Variants in SLC35F4 observed in about 807,000 individuals in gnomAD.
SLC35F4 encodes the protein chromosome 14 open reading frame 36.
A neutral mutation model predicts 44.2 loss-of-function variants in SLC35F4; 24 were observed. That is an observed-to-expected ratio of 0.54 (90% CI 0.39 to 0.76). The LOEUF (loss-of-function observed/expected upper bound fraction) is 0.76. SLC35F4 is among the 30% of genes least tolerant of loss of function. The pLI is 0.00. For synonymous variants in SLC35F4, 238 were observed against 223.6 expected (o/e 1.06, Z -0.57); for missense variants, 562 against 586.1 (o/e 0.96, Z 0.42).
intron 1 of SLC35F4, among the ~76,000 whole-genome samples, chr14:57,872,550 GCACCTCTAAC>G (rs1443882542): frequency 6.6e-6 from 1 of 152,090 alleles, no homozygotes; most frequent in Non-Finnish European, 1.5e-5. Flanking sequence ...CCAATGCTGG[GCACCTCTAAC>G]CTCCTGCACC....
intron 1 of SLC35F4, among the ~76,000 whole-genome samples, chr14:57,657,326 T>A (rs1444278880): frequency 6.6e-6 from 1 of 152,222 alleles, no homozygotes; most frequent in Admixed American, 6.5e-5. Flanking sequence ...GTGTTGAACA[T>A]AACTTTCCAG....
intron 1 of SLC35F4, among the ~76,000 whole-genome samples, chr14:57,618,483 T>C (rs964700127): frequency 6.6e-6 from 1 of 152,174 alleles, no homozygotes; most frequent in African/African-American, 2.4e-5. Context: ...GGAACTGTAC[T>C]GTGAGGAACG....
intron 1 of SLC35F4, among the ~76,000 whole-genome samples, chr14:57,914,952 C>T (rs7140638): frequency 0.095 from 14,451 of 152,208 alleles, 735 homozygotes; most frequent in Middle Eastern, 0.12. Context: ...GCCCCTGCAA[C>T]AAGTCTCTGT....
intron 1 of SLC35F4, among the ~76,000 whole-genome samples, chr14:57,672,711 T>G (rs573429997): frequency 3.9e-5 from 6 of 152,198 alleles, no homozygotes; most frequent in African/African-American, 1.4e-4. Flanking sequence ...AGAAAAAAAT[T>G]CATGAATAAT....
At chr14:57,738,516 T>C (rs886894868) in intron 1 of SLC35F4, among the ~76,000 whole-genome samples, 2 of 152,016 alleles carry the variant, frequency 1.3e-5, no homozygotes, top group African/African-American at 4.8e-5. Flanking sequence ...TCCTGCCACA[T>C]ACTGTTCTGG....
intron 6 of SLC35F4, among the ~76,000 whole-genome samples, chr14:57,568,853 G>A (rs1347399174): frequency 6.6e-6 from 1 of 152,158 alleles, no homozygotes; most frequent in Non-Finnish European, 1.5e-5. Flanking sequence ...CGTGGAAATA[G>A]AAGCGGCATG....
intron 1 of SLC35F4, among the ~76,000 whole-genome samples, chr14:57,923,645 T>A (rs2783243): frequency 0.2 from 30,812 of 152,216 alleles, 3,346 homozygotes; most frequent in East Asian, 0.27. Context: ...AATGCTTTTA[T>A]TTCCCTCTTC....
At chr14:57,847,741 T>C (rs1886165760) in intron 1 of SLC35F4, among the ~76,000 whole-genome samples, 1 of 152,308 alleles carries the variant, frequency 6.6e-6, no homozygotes, top group South Asian at 2.1e-4. Flanking sequence ...CAATATTATT[T>C]TCCCCCATGT....
intron 1 of SLC35F4, among the ~76,000 whole-genome samples, chr14:57,717,503 T>G (rs553795524): frequency 6.6e-6 from 1 of 152,102 alleles, no homozygotes; most frequent in South Asian, 2.1e-4. Context: ...AGGCGTGGTG[T>G]CGGGCGCCTG....
intron 1 of SLC35F4, among the ~76,000 whole-genome samples, chr14:57,743,707 C>A (rs2076681493): frequency 6.6e-6 from 1 of 152,172 alleles, no homozygotes; most frequent in Non-Finnish European, 1.5e-5. Flanking sequence ...AAGAGGGAAT[C>A]CTCCCTAACT....
At chr14:57,667,339 T>C (rs1261880228) in intron 1 of SLC35F4, among the ~76,000 whole-genome samples, 1 of 134,162 alleles carries the variant, frequency 7.5e-6, no homozygotes, top group Non-Finnish European at 1.8e-5. Flanking sequence ...TTGTTGTTGT[T>C]TATTTATTTT....
chr14:57,886,039 T>C (rs1888636913), intron 1 of SLC35F4, among the ~76,000 whole-genome samples: 1 of 152,224 alleles, frequency 6.6e-6, no homozygotes, highest in Non-Finnish European at 1.5e-5. Context: ...ATAGGAAATT[T>C]ATAAAATCAC....
At chr14:57,648,316 T>C (rs2073632040) in intron 1 of SLC35F4, among the ~76,000 whole-genome samples, 1 of 152,154 alleles carries the variant, frequency 6.6e-6, no homozygotes, top group South Asian at 2.1e-4. Context: ...TGTTCATGTA[T>C]TAACAACAGA....
At chr14:57,930,251 T>A (rs74054805) in intron 1 of SLC35F4, among the ~76,000 whole-genome samples, 1,983 of 152,306 alleles carry the variant, frequency 0.013, 37 homozygotes, top group African/African-American at 0.045. Context: ...AGGAACTGCA[T>A]CAGTTTCATA....
At chr14:57,595,888 G>A (rs2070459557) in intron 1 of SLC35F4, 1 of 152,172 alleles carries the variant, frequency 6.6e-6, no homozygotes, top group Admixed American at 6.5e-5. Flanking sequence ...TGGAATGATG[G>A]TTGCCAGAAC....
intron 1 of SLC35F4, among the ~76,000 whole-genome samples, chr14:57,886,881 G>C (rs1198758367): frequency 6.6e-6 from 1 of 152,210 alleles, no homozygotes. Flanking sequence ...GAAGTGTCGA[G>C]AAGGAAAGAG....
intron 1 of SLC35F4, among the ~76,000 whole-genome samples, chr14:57,612,321 A>G (rs2140052010): frequency 6.6e-6 from 1 of 152,000 alleles, no homozygotes; most frequent in Middle Eastern, 3.4e-3. Context: ...GTAACTTCCC[A>G]GGCTATTACA....
At chr14:57,731,796 T>A (rs2076350664) in intron 1 of SLC35F4, among the ~76,000 whole-genome samples, 1 of 152,234 alleles carries the variant, frequency 6.6e-6, no homozygotes, top group Admixed American at 6.5e-5. Flanking sequence ...TATAACTTAT[T>A]CTGAAACTAG....
At chr14:57,923,182 G>A (rs1594627165) in intron 1 of SLC35F4, among the ~76,000 whole-genome samples, 3 of 152,238 alleles carry the variant, frequency 2.0e-5, no homozygotes, top group Non-Finnish European at 2.9e-5. Flanking sequence ...CATATAATCA[G>A]TTTCAAAATC....
Sources: gnomAD v4.1 joint callset for allele counts (sites outside exome capture counted in the v4.1 genomes callset) on GRCh38, gnomAD v4.1.1 for gene constraint, MANE v1.5 for transcripts, NCBI Gene and HGNC (gene_info 2026-07-23, HGNC 2026-07-21) for gene names.